Variants in ST14 observed in about 807,000 individuals in gnomAD.
ST14 encodes suppressor of tumorigenicity 14 protein.
In ST14, 40 loss-of-function variants were observed where a neutral mutation model predicts 96.5. The observed-to-expected ratio is 0.41, with a 90% CI of 0.32 to 0.54. The LOEUF is 0.54. ST14 is among the 20% of genes least tolerant of loss of function. The probability of loss-of-function intolerance (pLI) is 0.17; values close to 1 mark genes in which losing one functional copy is unlikely to be tolerated. For missense variants in ST14, 1,066 were observed against 1,188.9 expected (o/e 0.90, Z 1.52); for synonymous variants, 506 against 492.1 (o/e 1.03, Z -0.37).
At chr11:130,161,969 C>T (rs1410877515) in intron 1 of ST14, among the ~76,000 whole-genome samples, 1 of 152,200 alleles carries the variant, frequency 6.6e-6, no homozygotes, top group African/African-American at 2.4e-5. Context: ...TTCCTCCCAT[C>T]CCTGGCCTCA....
chr11:130,207,264 T>C (rs549907068), intron 16 of ST14, among the ~76,000 whole-genome samples: 20 of 152,144 alleles, frequency 1.3e-4, no homozygotes, highest in Non-Finnish European at 2.5e-4. Context: ...TTAAGAATTG[T>C]GAGCCAGCGG....
chr11:130,178,525 G>GAGCT lies in ST14; in HGVS notation c.82-9588_82-9585dup, dbSNP rs1418321509. ...TTGGGACGGGACTTGAAACCTGCAG[G>GAGCT]AGCTGGCTGCTCCCTGGCAGAGAAC... On this transcript the variant is annotated intron_variant, in intron 1 of 18. Coordinates refer to ENST00000278742, the MANE Select transcript of ST14 (RefSeq NM_021978.4). 5.3e-5 allele frequency among the ~76,000 whole-genome samples: 8 copies of GAGCT among 152,326 alleles called. 1 individual carries two copies. The highest frequency in any genetic ancestry group is 1.9e-4 in the African/African-American group (8 of 41,560).
At chr11:130,175,385 CTTTTT>C (rs1953126996) in intron 1 of ST14, among the ~76,000 whole-genome samples, 1 of 151,150 alleles carries the variant, frequency 6.6e-6, no homozygotes, top group Admixed American at 6.6e-5. Context: ...CTCTCTCTTT[CTTTTT>C]GTTTTTGAGA....
intron 16 of ST14, among the ~76,000 whole-genome samples, chr11:130,200,539 C>T (rs1405468129): frequency 6.6e-6 from 1 of 152,182 alleles, no homozygotes; most frequent in Non-Finnish European, 1.5e-5. Flanking sequence ...GGCACCAAAA[C>T]ATTCATGAGG....
chr11:130,200,317 T>C (rs1953414839), intron 16 of ST14, among the ~76,000 whole-genome samples, 180 bp downstream of exon 16: 1 of 152,206 alleles, frequency 6.6e-6, no homozygotes, highest in African/African-American at 2.4e-5. Flanking sequence ...AAGAGTTTAT[T>C]TGGCCCATGG....
chr11:130,204,451 A>G (rs1345414850), intron 16 of ST14, among the ~76,000 whole-genome samples: 8 of 152,230 alleles, frequency 5.3e-5, no homozygotes, highest in Admixed American at 5.2e-4. Flanking sequence ...GAGATTGGGC[A>G]TAGCCTAGGT....
chr11:130,180,247 C>T (rs1280268462), intron 1 of ST14, among the ~76,000 whole-genome samples: 2 of 152,184 alleles, frequency 1.3e-5, no homozygotes, highest in Non-Finnish European at 2.9e-5. Context: ...TCTTCAGCCT[C>T]AGAAGCAGGC....
chr11:130,160,135 G>A (rs1001016375), intron 1 of ST14, 75 bp downstream of exon 1: 16 of 1,081,754 alleles, frequency 1.5e-5, no homozygotes, highest in Admixed American at 8.4e-5. Flanking sequence ...GCTGGGCTCG[G>A]CCGGCTCCCC....
chr11:130,169,512 C>T (rs1953070620), intron 1 of ST14, among the ~76,000 whole-genome samples: 1 of 152,168 alleles, frequency 6.6e-6, no homozygotes, highest in African/African-American at 2.4e-5. Context: ...AGGCCATGGG[C>T]ATCCTCGTGT....
intron 16 of ST14, among the ~76,000 whole-genome samples, chr11:130,205,662 T>C (rs937392407): frequency 6.6e-6 from 1 of 150,914 alleles, no homozygotes; most frequent in African/African-American, 2.4e-5. Context: ...GCGTCATAAA[T>C]GTCCTCCAAT....
intron 1 of ST14, among the ~76,000 whole-genome samples, chr11:130,182,773 C>T (rs1456922090): frequency 6.6e-6 from 1 of 151,710 alleles, no homozygotes; most frequent in African/African-American, 2.4e-5. Flanking sequence ...CTTCAGCCTC[C>T]CGAATAGCTG....
At chr11:130,161,565 T>A (rs7107369) in intron 1 of ST14, among the ~76,000 whole-genome samples, 6,190 of 152,098 alleles carry the variant, frequency 0.041, 403 homozygotes, top group African/African-American at 0.14. Context: ...GCAGCCAGGC[T>A]GGGGCTCACC....
At position 130,209,668 on chromosome 11, in the gene ST14, T is replaced by G; in HGVS notation, c.2413T>G (p.Ser805Ala). 1 of 1,611,908 alleles carries G rather than the reference T, an allele frequency of 6.2e-7. No homozygotes were observed. The highest frequency in any genetic ancestry group is 8.5e-7 in the Non-Finnish European group (1 of 1,179,240). ...SGGVDSCQGD[S>A]GGPLSSVEAD... Reference sequence around the variant, plus strand: ...AGGGCTTGTCTCCGCCCAGGGTGATTCCGGGGGACCCCTGTCCAGCGTGGA... The same window carrying G: ...AGGGCTTGTCTCCGCCCAGGGTGATGCCGGGGGACCCCTGTCCAGCGTGGA... Residue 805 changes from serine (S) to alanine (A), a missense_variant, in exon 19 of 19, where the codon TCC (serine) becomes GCC (alanine). Ser to Ala is a moderately conservative substitution (Grantham distance 99, BLOSUM62 1). Transcript: ENST00000278742.
chr11:130,168,826 T>C (rs1413876447), intron 1 of ST14, among the ~76,000 whole-genome samples: 1 of 152,118 alleles, frequency 6.6e-6, no homozygotes, highest in Non-Finnish European at 1.5e-5. Flanking sequence ...CTCAGATTTG[T>C]AGCCATGGAA....
intron 16 of ST14, among the ~76,000 whole-genome samples, chr11:130,207,128 C>T (rs7123119): frequency 0.76 from 115,476 of 152,076 alleles, 43,982 homozygotes; most frequent in South Asian, 0.81. Context: ...CTTTATGCTT[C>T]CCATTAAGCC....
chr11:130,186,525 T>C (rs1953239656), intron 1 of ST14, among the ~76,000 whole-genome samples: 1 of 152,160 alleles, frequency 6.6e-6, no homozygotes, highest in South Asian at 2.1e-4. Flanking sequence ...GAGAAGAGTA[T>C]TGCAGAGCTC....
At chr11:130,194,588 C>T in intron 8 of ST14, 52 bp from the exon 9 acceptor site, 1 of 1,590,094 alleles carries the variant, frequency 6.3e-7, no homozygotes, top group South Asian at 1.1e-5. Context: ...CGTCCGCCTG[C>T]TCGGCCGGGC....
chr11:130,188,313 G>T lies in ST14; in HGVS notation c.241+40G>T. The T allele has an allele frequency of 1.9e-6, 3 of 1,599,890 alleles. No homozygotes were observed. The highest frequency in any genetic ancestry group is 8.5e-7 in the Non-Finnish European group (1 of 1,172,064). ...GGCTGGCTCCGGGGAGGACGACAAG[G>T]GGTGGCTGTCCCTCTTCCCTCAGCG... On this transcript the variant is annotated intron_variant, in intron 2 of 18. Coordinates refer to ENST00000278742, the MANE Select transcript of ST14 (RefSeq NM_021978.4). This position sits in a 1 kb window ranked among gnomAD's most constrained non-coding sequence, Gnocchi z 5.4.
chr11:130,192,932 T>C (rs1450376935), intron 7 of ST14, among the ~76,000 whole-genome samples: 1 of 152,190 alleles, frequency 6.6e-6, no homozygotes, highest in African/African-American at 2.4e-5. Flanking sequence ...TGCCTGAGTT[T>C]AAATTCTAAG....
Sources: allele counts gnomAD v4.1 joint callset (sites outside exome capture counted in the v4.1 genomes callset), GRCh38; gene constraint gnomAD v4.1.1; non-coding constraint Gnocchi (gnomAD v3.1); transcripts MANE v1.5; gene names NCBI Gene and HGNC (gene_info 2026-07-23, HGNC 2026-07-21).